ZC3H12B: variants seen among roughly 807,000 people sequenced by gnomAD.
The protein encoded by ZC3H12B is zinc finger CCCH-type containing 12B.
ZC3H12B carries 7 observed loss-of-function variants against 43.9 expected under a neutral mutation model. The observed-to-expected ratio is 0.16, with a 90% confidence interval of 0.09 to 0.30. The LOEUF is 0.30. Ranked by LOEUF, ZC3H12B falls within the 10% of genes least tolerant of loss-of-function variation. ZC3H12B has a pLI of 1.00. For missense variants in ZC3H12B, 475 were observed against 670.2 expected (o/e 0.71, Z 3.22); for synonymous variants, 222 against 241.7 (o/e 0.92, Z 0.76).
chrX:65,266,828 G>T, the ZC3H12B span, among the ~76,000 whole-genome samples: 1 of 111,110 alleles, frequency 9.0e-6, no homozygotes, highest in Non-Finnish European at 1.9e-5. Context: ...GGCTTCATGG[G>T]CAGCTTTTGT....
chrX:65,410,034 G>A (rs2066884426), intron 3 of ZC3H12B, among the ~76,000 whole-genome samples: 1 of 97,774 alleles, frequency 1.0e-5, no homozygotes, highest in Admixed American at 1.2e-4. Flanking sequence ...CAAAATTGGA[G>A]AAATCACATC....
chrX:65,417,518 T>C (rs769202240), intron 3 of ZC3H12B, among the ~76,000 whole-genome samples: 3 of 112,696 alleles, frequency 2.7e-5, no homozygotes, highest in Admixed American at 9.3e-5. Context: ...ATCTTAGGCT[T>C]CTCAGAGGCC....
intron 1 of ZC3H12B, among the ~76,000 whole-genome samples, chrX:65,368,375 A>G (rs984385695): frequency 8.9e-6 from 1 of 111,863 alleles, no homozygotes; most frequent in Non-Finnish European, 1.9e-5. Context: ...AAAAAGAGGA[A>G]GTAGTCATAC....
the ZC3H12B span, among the ~76,000 whole-genome samples, chrX:65,309,317 A>G: frequency 1.8e-5 from 2 of 112,006 alleles, no homozygotes; most frequent in Non-Finnish European, 3.8e-5. Context: ...AGGGGATATC[A>G]CCACTGATCC....
chrX:65,230,253 G>T, the ZC3H12B span, among the ~76,000 whole-genome samples: 1 of 110,743 alleles, frequency 9.0e-6, no homozygotes, highest in South Asian at 3.9e-4. Context: ...GATGAAATTG[G>T]AAATCATCAT....
At chrX:65,334,771 A>AT in the ZC3H12B span, among the ~76,000 whole-genome samples, 7 of 111,706 alleles carry the variant, frequency 6.3e-5, no homozygotes, top group Admixed American at 2.9e-4. Context: ...GCAAAAACAG[A>AT]TCCCCCAAAA....
At chrX:65,201,832 T>C in the ZC3H12B span, among the ~76,000 whole-genome samples, 2 of 107,014 alleles carry the variant, frequency 1.9e-5, no homozygotes, top group African/African-American at 6.8e-5. Flanking sequence ...ATCATAGGGT[T>C]GGTTTTCTCC....
chrX:65,357,031 G>T, the ZC3H12B span: 1 of 573,650 alleles, frequency 1.7e-6, no homozygotes, highest in Middle Eastern at 4.0e-4. Context: ...TAAAATGAAA[G>T]TTCCACCTTG....
At chrX:65,507,253 A>G (rs913131546) in exon 5 of ZC3H12B, 5 of 111,937 alleles carry the variant, frequency 4.5e-5, no homozygotes, top group African/African-American at 1.6e-4. Flanking sequence ...CAGAGAAAGT[A>G]ATGCTGAGCT....
At chrX:65,392,511 G>A (rs1427996893) in intron 2 of ZC3H12B, among the ~76,000 whole-genome samples, 3 of 111,788 alleles carry the variant, frequency 2.7e-5, no homozygotes, top group Non-Finnish European at 5.7e-5. Context: ...TCTGGGAGGT[G>A]AGGGGCGCCC....
the ZC3H12B span, among the ~76,000 whole-genome samples, chrX:65,251,385 T>C: frequency 8.9e-5 from 10 of 111,745 alleles, no homozygotes; most frequent in African/African-American, 3.3e-4. Context: ...GCCTCCAGCT[T>C]TGTTCTTTTG....
the ZC3H12B span, among the ~76,000 whole-genome samples, chrX:65,332,810 A>T: frequency 1.9e-4 from 21 of 112,122 alleles, no homozygotes; most frequent in African/African-American, 6.8e-4. Flanking sequence ...ATCTGTTATT[A>T]GATAACATAG....
At chrX:65,418,417 A>C (rs958928281) in intron 3 of ZC3H12B, among the ~76,000 whole-genome samples, 1 of 111,629 alleles carries the variant, frequency 9.0e-6, no homozygotes, top group African/African-American at 3.3e-5. Context: ...GAGCTCTGTC[A>C]CTACTCTTCT....
At chrX:65,322,844 A>C in the ZC3H12B span, among the ~76,000 whole-genome samples, 1 of 111,768 alleles carries the variant, frequency 8.9e-6, no homozygotes, top group Non-Finnish European at 1.9e-5. Flanking sequence ...TGAACATTTT[A>C]ATATTAATTC....
chrX:65,150,558 A>G, the ZC3H12B span, among the ~76,000 whole-genome samples: 4 of 109,369 alleles, frequency 3.7e-5, no homozygotes, highest in African/African-American at 1.3e-4. Flanking sequence ...CTGATTGTTC[A>G]ACTCCCACTT....
the ZC3H12B span, among the ~76,000 whole-genome samples, chrX:65,350,556 A>G: frequency 2.9e-4 from 32 of 112,003 alleles, no homozygotes; most frequent in African/African-American, 9.4e-4. Flanking sequence ...TGCAGATGAC[A>G]TAATTTTATA....
chrX:65,457,417 C>G (rs1355195351), intron 3 of ZC3H12B, among the ~76,000 whole-genome samples: 17 of 75,202 alleles, frequency 2.3e-4, no homozygotes, highest in Admixed American at 1.4e-3. Flanking sequence ...TCTGCCTGGC[C>G]GGCCGCCCCG....
intron 3 of ZC3H12B, among the ~76,000 whole-genome samples, chrX:65,418,744 C>T (rs2066987565): frequency 1.8e-5 from 2 of 111,836 alleles, no homozygotes; most frequent in African/African-American, 6.5e-5. Context: ...ATAGTGAAAA[C>T]TAAGCGACAT....
the ZC3H12B span, among the ~76,000 whole-genome samples, chrX:65,265,178 T>C: frequency 8.9e-6 from 1 of 112,136 alleles, no homozygotes; most frequent in Non-Finnish European, 1.9e-5. Context: ...TCTTCCCTGT[T>C]CAGAGAAACC....
Sources: allele counts gnomAD v4.1 joint callset (sites outside exome capture counted in the v4.1 genomes callset), GRCh38; gene constraint gnomAD v4.1.1; transcripts MANE v1.5; gene names NCBI Gene and HGNC (gene_info 2026-07-23, HGNC 2026-07-21).